Variants in SRRM4 observed in about 807,000 individuals in gnomAD.
SRRM4 encodes the protein serine/arginine repetitive matrix 4.
A neutral mutation model predicts 68.9 loss-of-function variants in SRRM4; 33 were observed. The observed-to-expected ratio is 0.48, with a 90% CI of 0.36 to 0.64. The LOEUF is 0.64. Ranked by LOEUF, SRRM4 falls within the 30% of genes least tolerant of loss-of-function variation. SRRM4 has a pLI of 0.00. For missense variants in SRRM4, 817 were observed against 827.1 expected, an observed-to-expected ratio of 0.99 and a Z score of 0.15; for synonymous variants, 318 against 318.8, an observed-to-expected ratio of 1.00 and a Z score of 0.03.
chr12:119,016,654 TCTC>T (rs1953483774), intron 1 of SRRM4, among the ~76,000 whole-genome samples: 1 of 152,162 alleles, frequency 6.6e-6, no homozygotes, highest in African/African-American at 2.4e-5. Context: ...TGTTCCATAT[TCTC>T]CTCCATCACC....
intron 1 of SRRM4, among the ~76,000 whole-genome samples, chr12:119,033,499 A>G (rs1953605771): frequency 6.6e-6 from 1 of 152,146 alleles, no homozygotes; most frequent in Admixed American, 6.5e-5. Flanking sequence ...TCCCGTCTCT[A>G]CTAAAAATAC....
chr12:119,135,488 G>A (rs547991905), intron 8 of SRRM4, among the ~76,000 whole-genome samples: 5 of 152,272 alleles, frequency 3.3e-5, no homozygotes, highest in African/African-American at 1.2e-4. Context: ...TTGTAAACTG[G>A]AAGAGGCAAT....
chr12:119,125,873 A>T (rs898657926), intron 7 of SRRM4, among the ~76,000 whole-genome samples: 11 of 150,760 alleles, frequency 7.3e-5, no homozygotes, highest in African/African-American at 2.0e-4. Flanking sequence ...GTGAGCCAAG[A>T]TCACGCCATT....
chr12:119,072,924 G>C (rs866626534), intron 1 of SRRM4, among the ~76,000 whole-genome samples: 6 of 152,270 alleles, frequency 3.9e-5, no homozygotes, highest in South Asian at 4.1e-4. Context: ...GTCTGTCAAA[G>C]CTCAGATCTG....
chr12:119,062,799 G>A (rs1953822655), intron 1 of SRRM4, among the ~76,000 whole-genome samples: 1 of 152,204 alleles, frequency 6.6e-6, no homozygotes, highest in African/African-American at 2.4e-5. Context: ...GCAGTGCACA[G>A]CCATGCCTGG....
intron 1 of SRRM4, among the ~76,000 whole-genome samples, chr12:119,070,716 A>G (rs1953872967): frequency 2.0e-5 from 3 of 152,240 alleles, no homozygotes; most frequent in African/African-American, 7.2e-5. Flanking sequence ...ATGGACTAAG[A>G]AACTGCTGCT....
In SRRM4 at chr12:118,984,225, C is replaced by A. The variant is rs1349295583; in HGVS notation, c.131+2212C>A. ...TCCCCATTCTCACCCAAGCCAGCCACATCCAGTGACATTCAATTTCCACTT... is the reference window on the plus strand; with the variant it reads ...TCCCCATTCTCACCCAAGCCAGCCAAATCCAGTGACATTCAATTTCCACTT... On this transcript the variant is annotated intron_variant, in intron 1 of 12. Transcript: ENST00000267260. Among the ~76,000 whole-genome samples the A allele has an allele frequency of 2.0e-5, 3 of 152,324 alleles. No individual in the cohort carries two copies. The East Asian group carries it at 5.8e-4, about 29-fold the overall frequency.
intron 3 of SRRM4, among the ~76,000 whole-genome samples, chr12:119,115,362 A>C (rs939905763): frequency 6.6e-6 from 1 of 152,188 alleles, no homozygotes; most frequent in Non-Finnish European, 1.5e-5. Context: ...GTAGGCTGCC[A>C]CTAACTAGAC....
At chr12:119,020,118 A>C (rs1226688250) in intron 1 of SRRM4, among the ~76,000 whole-genome samples, 1 of 151,606 alleles carries the variant, frequency 6.6e-6, no homozygotes, top group Non-Finnish European at 1.5e-5. Flanking sequence ...TCAACAGGGC[A>C]TCCTCGTGCG....
chr12:119,019,729 C>T (rs924570355), intron 1 of SRRM4, among the ~76,000 whole-genome samples: 1 of 152,164 alleles, frequency 6.6e-6, no homozygotes, highest in Admixed American at 6.5e-5. Context: ...CATTGCCCAG[C>T]CCAACATCCC....
chr12:119,088,915 G>A (rs1340494876), intron 1 of SRRM4, among the ~76,000 whole-genome samples: 1 of 152,220 alleles, frequency 6.6e-6, no homozygotes, highest in African/African-American at 2.4e-5. Context: ...AAGGAATGGT[G>A]TTAAGCACTT....
At chr12:119,044,114 G>A (rs1310382792) in intron 1 of SRRM4, among the ~76,000 whole-genome samples, 4 of 152,142 alleles carry the variant, frequency 2.6e-5, no homozygotes, top group African/African-American at 7.2e-5. Context: ...TAATCCACAC[G>A]CCTCGGCCTC....
chr12:119,153,841 C>G (rs544190705), intron 11 of SRRM4, among the ~76,000 whole-genome samples, 192 bp downstream of exon 11: 2 of 152,182 alleles, frequency 1.3e-5, no homozygotes, highest in African/African-American at 4.8e-5. Context: ...TTCCTAATGT[C>G]TCCAGCCCAA....
intron 2 of SRRM4, among the ~76,000 whole-genome samples, chr12:119,109,964 C>T (rs1466099467): frequency 6.6e-6 from 1 of 152,098 alleles, no homozygotes; most frequent in African/African-American, 2.4e-5. Flanking sequence ...GTTTTATCAG[C>T]CTGTGGTCTT....
chr12:119,091,666 T>A (rs1487596205), intron 1 of SRRM4, among the ~76,000 whole-genome samples: 1 of 152,116 alleles, frequency 6.6e-6, no homozygotes, highest in Non-Finnish European at 1.5e-5. Flanking sequence ...ACCAGGGAGG[T>A]GAAAGGACTT....
rs528043382 is a variant in SRRM4 at position 119,060,857 on chromosome 12, A to T, written c.132-41379A>T. On this transcript the variant is annotated intron_variant, in intron 1 of 12. Transcript: ENST00000267260. ...ATCAAACATCTTATCAACCTAACTCATAGTGTGAGATGAAAGGAGGAACAC... is the reference window on the plus strand; with the variant it reads ...ATCAAACATCTTATCAACCTAACTCTTAGTGTGAGATGAAAGGAGGAACAC... Among the ~76,000 whole-genome samples, 6 of 152,240 alleles carry T rather than the reference A, an allele frequency of 3.9e-5. No homozygotes were observed. In the South Asian group the frequency reaches 1.2e-3, roughly 32 times the overall value.
chr12:119,016,386 G>A (rs1465428562), intron 1 of SRRM4, among the ~76,000 whole-genome samples: 2 of 151,596 alleles, frequency 1.3e-5, no homozygotes, highest in African/African-American at 4.9e-5. Context: ...CTATGAGGGG[G>A]ACTCTTCCTG....
intron 4 of SRRM4, 141 bp downstream of exon 4, chr12:119,117,149 G>C: frequency 1.4e-6 from 1 of 737,296 alleles, no homozygotes; most frequent in Non-Finnish European, 2.3e-6. Context: ...TTTGTGTCTT[G>C]TGTAAGCTGG....
At chr12:119,143,331 A>G (rs1954378587) in intron 8 of SRRM4, among the ~76,000 whole-genome samples, 1 of 152,226 alleles carries the variant, frequency 6.6e-6, no homozygotes, top group South Asian at 2.1e-4. Flanking sequence ...AAGTTTGGGG[A>G]AAGAGTAGGC....
Sources: allele counts gnomAD v4.1 joint callset (sites outside exome capture counted in the v4.1 genomes callset), GRCh38; gene constraint gnomAD v4.1.1; transcripts MANE v1.5; gene names NCBI Gene and HGNC (gene_info 2026-07-23, HGNC 2026-07-21).